Variants in IMPG1 observed in about 807,000 individuals in gnomAD.
IMPG1 encodes the protein interphotoreceptor matrix proteoglycan 1, also known as interphotoreceptor matrix proteoglycan of 150 kDa.
Under a neutral mutation model 92.0 loss-of-function variants are expected in IMPG1, and 85 were observed. The ratio of observed to expected loss-of-function variants is 0.92; its 90% CI spans 0.78 to 1.11. IMPG1 has a LOEUF of 1.11. Among genes scored for constraint, IMPG1 ranks in the 50% least tolerant of loss-of-function variants. IMPG1 has a pLI of 0.00. For missense variants in IMPG1, 1,022 were observed against 956.0 expected (o/e 1.07, Z -0.91); for synonymous variants, 367 against 334.1 (o/e 1.10, Z -1.08).
chr6:76,007,508 T>C lies in IMPG1; in HGVS notation c.867-8A>G. The C allele has an allele frequency of 6.3e-7, 1 of 1,595,246 alleles. No homozygotes were observed. On this transcript the variant is annotated splice_region_variant and splice_polypyrimidine_tract_variant and intron_variant, in intron 8 of 16. Coordinates refer to ENST00000369950, the MANE Select transcript of IMPG1 (RefSeq NM_001563.4). Reference sequence around the variant, plus strand: ...TCTTTTTCTTTCTTTGGTCTTCATTTCATCATGCACAATGGAAACATGAAA... The same window carrying C: ...TCTTTTTCTTTCTTTGGTCTTCATTCCATCATGCACAATGGAAACATGAAA...
chr6:75,975,847 T>C (rs1400261688), intron 12 of IMPG1, among the ~76,000 whole-genome samples: 3 of 152,258 alleles, frequency 2.0e-5, no homozygotes, highest in Admixed American at 1.3e-4. Flanking sequence ...CCATAGGCTA[T>C]ACGTAAGTGA....
chr6:76,033,169 ACAGT>A (rs953729090), intron 4 of IMPG1, among the ~76,000 whole-genome samples: 2 of 152,164 alleles, frequency 1.3e-5, no homozygotes, highest in African/African-American at 4.8e-5. Context: ...TGTGGAAAGA[ACAGT>A]CAGGCAGGAA....
intron 12 of IMPG1, among the ~76,000 whole-genome samples, chr6:75,965,845 G>C (rs1782300223): frequency 6.6e-6 from 1 of 152,018 alleles, no homozygotes; most frequent in South Asian, 2.1e-4. Flanking sequence ...CTGACCTTGT[G>C]ATCTGCCCGC....
chr6:75,953,009 T>C (rs1329938532), intron 12 of IMPG1, among the ~76,000 whole-genome samples: 2 of 152,244 alleles, frequency 1.3e-5, no homozygotes, highest in African/African-American at 4.8e-5. Flanking sequence ...TCTGGGATGA[T>C]AAATTGAAAG....
intron 12 of IMPG1, among the ~76,000 whole-genome samples, chr6:75,977,369 A>G (rs914860699): frequency 6.6e-6 from 1 of 152,010 alleles, no homozygotes; most frequent in Non-Finnish European, 1.5e-5. Context: ...GGGCAGATCA[A>G]TTGAGATTGG....
chr6:75,983,142 T>C (rs1782656505), intron 12 of IMPG1, among the ~76,000 whole-genome samples: 1 of 151,682 alleles, frequency 6.6e-6, no homozygotes, highest in African/African-American at 2.4e-5. Flanking sequence ...TTGAAACTGA[T>C]AGATTTGGGT....
chr6:76,010,074 T>C (rs954451429), intron 8 of IMPG1, among the ~76,000 whole-genome samples: 5 of 152,264 alleles, frequency 3.3e-5, no homozygotes, highest in Non-Finnish European at 7.3e-5. Context: ...TCATCTTTTA[T>C]AACTTTCACT....
At chr6:75,962,099 T>C (rs1582069224) in intron 12 of IMPG1, among the ~76,000 whole-genome samples, 1 of 149,802 alleles carries the variant, frequency 6.7e-6, no homozygotes, top group East Asian at 2.0e-4. Context: ...TCTGCAATTG[T>C]ACCAATTTTT....
At chr6:76,028,870 C>G (rs1266908487) in intron 4 of IMPG1, among the ~76,000 whole-genome samples, 1 of 152,162 alleles carries the variant, frequency 6.6e-6, no homozygotes, top group Non-Finnish European at 1.5e-5. Flanking sequence ...AAATTTGGAG[C>G]ATGCTTGTTT....
intron 4 of IMPG1, among the ~76,000 whole-genome samples, chr6:76,030,083 A>G (rs926455260): frequency 2.0e-5 from 3 of 152,182 alleles, no homozygotes; most frequent in Non-Finnish European, 2.9e-5. Context: ...AGCCAACCCC[A>G]AGCTTCCTGT....
At chr6:75,951,849 C>G (rs1782036993) in intron 12 of IMPG1, among the ~76,000 whole-genome samples, 1 of 151,952 alleles carries the variant, frequency 6.6e-6, no homozygotes, top group Non-Finnish European at 1.5e-5. Flanking sequence ...GGCTGAGGCC[C>G]AAGAATCTCT....
intron 1 of IMPG1, among the ~76,000 whole-genome samples, chr6:76,045,707 T>C (rs1276074730): frequency 3.9e-5 from 6 of 152,150 alleles, no homozygotes; most frequent in Non-Finnish European, 8.8e-5. Flanking sequence ...AAAGAGCTGA[T>C]AGTTGTTGGA....
intron 1 of IMPG1, among the ~76,000 whole-genome samples, chr6:76,057,881 AACTTTT>A (rs1190252513): frequency 1.3e-5 from 2 of 152,174 alleles, no homozygotes; most frequent in Non-Finnish European, 2.9e-5. Context: ...AGTCTTTGAA[AACTTTT>A]ACTTTAAATA....
chr6:75,951,608 AATG>A (rs1313062934), intron 12 of IMPG1, among the ~76,000 whole-genome samples: 4 of 152,206 alleles, frequency 2.6e-5, no homozygotes, highest in African/African-American at 9.6e-5. Context: ...TGGTTACAAT[AATG>A]ATGTTTTGGT....
intron 16 of IMPG1, among the ~76,000 whole-genome samples, chr6:75,923,358 A>G (rs1781464564): frequency 6.6e-6 from 1 of 152,116 alleles, no homozygotes; most frequent in African/African-American, 2.4e-5. Context: ...AATACATTTG[A>G]TAAATTACCT....
intron 12 of IMPG1, among the ~76,000 whole-genome samples, chr6:75,971,642 G>C (rs2149465597): frequency 6.6e-6 from 1 of 152,192 alleles, no homozygotes; most frequent in South Asian, 2.1e-4. Context: ...CAAATCACAT[G>C]TAAGTGCAAA....
chr6:75,970,727 T>C lies in IMPG1; in HGVS notation c.1292-19633A>G, dbSNP rs16887014. Among the ~76,000 whole-genome samples, 931 of 152,332 alleles carry C rather than the reference T, an allele frequency of 6.1e-3. 18 individuals carry two copies. Among genetic ancestry groups the C allele is most frequent in the Admixed American group, 0.043 (663 of 15,298 alleles). On this transcript the variant is annotated intron_variant, in intron 12 of 16. Transcript: ENST00000369950. The stretch of plus-strand genomic sequence containing the variant: ...GTAATATGGATTTGACATGCAATAA[T>C]GTAATTTTTAATAGTATGATCAAAG...
chr6:76,042,512 G>C (rs1783863500), intron 1 of IMPG1, among the ~76,000 whole-genome samples: 1 of 152,108 alleles, frequency 6.6e-6, no homozygotes, highest in Non-Finnish European at 1.5e-5. Context: ...GGTGCCCAGA[G>C]GTGTACTGTT....
intron 6 of IMPG1, 77 bp from the exon 7 acceptor site, chr6:76,018,935 G>A: frequency 7.5e-7 from 1 of 1,331,926 alleles, no homozygotes; most frequent in Non-Finnish European, 1.0e-6. Context: ...AATATATGTT[G>A]ATACTGTCTC....
Sources: allele counts gnomAD v4.1 joint callset (sites outside exome capture counted in the v4.1 genomes callset), GRCh38; gene constraint gnomAD v4.1.1; transcripts MANE v1.5; gene names NCBI Gene and HGNC (gene_info 2026-07-23, HGNC 2026-07-21).